The following ARRDC2 variants were observed in gnomAD, a reference collection of about 807,000 sequenced individuals.
The protein encoded by ARRDC2 is arrestin domain-containing protein 2.
A neutral mutation model predicts 38.9 loss-of-function variants in ARRDC2; 39 were observed. The ratio of observed to expected loss-of-function variants is 1.00; its 90% CI spans 0.78 to 1.31. The LOEUF (loss-of-function observed/expected upper bound fraction) is 1.31. Ranked by LOEUF, ARRDC2 falls within the 50% of genes most tolerant of loss-of-function variation. The pLI is 0.00. For missense variants in ARRDC2, 553 were observed against 588.4 expected (o/e 0.94, Z 0.62); for synonymous variants, 300 against 261.9 (o/e 1.15, Z -1.41).
chr19:18,005,311 G>A (rs1287513826), upstream of ARRDC2, among the ~76,000 whole-genome samples: 2 of 151,948 alleles, frequency 1.3e-5, no homozygotes, highest in African/African-American at 4.8e-5. Context: ...TTGGGGGTAG[G>A]GTCACCGATC....
chr19:18,001,473 CA>C lies in ARRDC2; in HGVS notation c.160del (p.Thr54ProfsTer59). The C allele has an allele frequency of 7.8e-7, 1 of 1,286,838 alleles. No homozygotes were observed. Among genetic ancestry groups the C allele is most frequent in the Non-Finnish European group, 9.8e-7 (1 of 1,015,494 alleles). 79.7% of individuals were successfully genotyped at this position (1,286,838 alleles called of 1,614,324 possible). ...AGGTGAAGGCGCGCGGCGGGGCGGC[CA>C]CCCACTGGTTGGAGGGTCGCAGCGT... On this transcript the variant is annotated frameshift_variant, in exon 1 of 8. Transcript: ENST00000379656. LOFTEE classifies it high-confidence loss of function.
upstream of ARRDC2, among the ~76,000 whole-genome samples, chr19:18,004,984 CAA>C (rs1165390317): frequency 1.5e-5 from 2 of 134,208 alleles, no homozygotes; most frequent in African/African-American, 2.8e-5. Flanking sequence ...GATCCTGTCT[CAA>C]AAAAAAAAAG....
At chr19:18,002,757 A>T (rs2033204506) in intron 1 of ARRDC2, among the ~76,000 whole-genome samples, 2 of 152,056 alleles carry the variant, frequency 1.3e-5, no homozygotes, top group South Asian at 4.1e-4. Flanking sequence ...AACTCTTGGG[A>T]CCGCTTTCAC....
chr19:18,012,838 G>A, intron 7 of ARRDC2, 75 bp from the exon 8 acceptor site: 1 of 1,487,724 alleles, frequency 6.7e-7, no homozygotes, highest in African/African-American at 1.4e-5. Flanking sequence ...GTTGGGAGAT[G>A]GCTAGATGGG....
intron 1 of ARRDC2, among the ~76,000 whole-genome samples, chr19:18,001,884 G>C (rs1466169428): frequency 6.6e-6 from 1 of 152,144 alleles, no homozygotes; most frequent in African/African-American, 2.4e-5. Context: ...GTTGTAATGG[G>C]CTGAGATCGC....
upstream of ARRDC2, among the ~76,000 whole-genome samples, chr19:18,006,032 G>A (rs1271597206): frequency 5.3e-5 from 8 of 151,596 alleles, no homozygotes; most frequent in Non-Finnish European, 8.8e-5. Flanking sequence ...GACGATGGGC[G>A]GCCGGGCAGA....
chr19:18,001,662 C>T (rs1188299274), intron 1 of ARRDC2: 6 of 1,231,892 alleles, frequency 4.9e-6, no homozygotes, highest in East Asian at 6.4e-5. Context: ...AACTTAGAAC[C>T]TATGCGGTCG....
chr19:18,004,673 A>G (rs2033237544), upstream of ARRDC2, among the ~76,000 whole-genome samples: 1 of 150,660 alleles, frequency 6.6e-6, no homozygotes, highest in Non-Finnish European at 1.5e-5. Flanking sequence ...TGGGTGTCAG[A>G]GCAGAGTGAG....
Position 18,009,797 on chromosome 19 carries a change from G to C in ARRDC2, c.607G>C (p.Val203Leu), listed in dbSNP as rs151273577. ...CCTTGCTGCAGGAGAGGTCATCCCT[G>C]TCTTTGCCGAGATCGACAACGGCTC... ...KGYTPGEVIP[V>L]FAEIDNGSTR... is the part of the protein sequence containing the mutation. The change falls in exon 5 of 8, where the codon GTC (valine) becomes CTC (leucine). Residue 203 changes from valine (V) to leucine (L), a missense_variant. Coordinates refer to ENST00000222250, the MANE Select transcript of ARRDC2 (RefSeq NM_015683.2). The C allele has an allele frequency of 2.5e-6, 4 of 1,612,748 alleles. No homozygotes were observed. The African/African-American group carries it at 5.3e-5, about 22-fold the overall frequency.
At chr19:18,005,792 G>T (rs1362341416), upstream of ARRDC2, among the ~76,000 whole-genome samples, 2 of 152,024 alleles carry the variant, frequency 1.3e-5, no homozygotes, top group African/African-American at 4.8e-5. Flanking sequence ...CTCCTGGACG[G>T]GGTGGCTGCC....
rs569309020 is a variant in ARRDC2, at chr19:18,009,184, G to A, written c.489+66G>A. 3.8e-6 allele frequency: 6 copies of A among 1,566,770 alleles called. No homozygotes were observed. The African/African-American group carries it at 4.1e-5, about 11-fold the overall frequency. On this transcript the variant is annotated intron_variant, in intron 3 of 7. Coordinates refer to ENST00000222250, the MANE Select transcript of ARRDC2 (RefSeq NM_015683.2). ...AGGAAGGGGCCTGCCTGGCTGCTGGGCGACACCAACCAATAAGATGGAGGT... is the reference window on the plus strand; with the variant it reads ...AGGAAGGGGCCTGCCTGGCTGCTGGACGACACCAACCAATAAGATGGAGGT...
At chr19:18,008,120 C>CG (rs2033317712), upstream of ARRDC2, 1 of 572,700 alleles carries the variant, frequency 1.7e-6, no homozygotes, top group Non-Finnish European at 2.6e-6. Context: ...ACGGTGACCC[C>CG]ACCCCCCCCC....
upstream of ARRDC2, chr19:18,007,461 A>AC (rs1198420212): frequency 6.6e-6 from 1 of 152,314 alleles, no homozygotes; most frequent in East Asian, 1.9e-4. Flanking sequence ...CGACCGAGTG[A>AC]CGGTATGTCA....
upstream of ARRDC2, among the ~76,000 whole-genome samples, chr19:18,003,980 C>T (rs1055844093): frequency 2.0e-5 from 3 of 149,746 alleles, no homozygotes; most frequent in Admixed American, 6.7e-5. Flanking sequence ...ACCATGTTGG[C>T]CAGGCTGGTC....
At chr19:18,009,265 C>G (rs2033353129) in intron 3 of ARRDC2, 147 bp downstream of exon 3, 1 of 948,600 alleles carries the variant, frequency 1.1e-6, no homozygotes, top group Non-Finnish European at 1.6e-6. Context: ...GTGGAATCCA[C>G]TGGGATCTGC....
chr19:18,001,244 G>A (rs2033179283), exon 1 of ARRDC2: 1 of 1,137,324 alleles, frequency 8.8e-7, no homozygotes, highest in East Asian at 4.3e-5. Context: ...GGAAACCCCG[G>A]GGATCTGCAG....
upstream of ARRDC2, chr19:18,008,119 C>CCCCCCCCCCCCCCCCCCCCCCAAAAAAAA: frequency 1.9e-6 from 1 of 530,448 alleles, no homozygotes; most frequent in Non-Finnish European, 2.8e-6. Flanking sequence ...GACGGTGACC[C>CCCCCCCCCCCCCCCCCCCCCCAAAAAAAA]CACCCCCCCC....
Position 18,001,426 on chromosome 19 carries a change from C to G in ARRDC2, c.112C>G (p.Pro38Ala), listed in dbSNP as rs1303626975. 3 of 1,233,418 alleles carry G rather than the reference C, an allele frequency of 2.4e-6. No homozygotes were observed. The African/African-American group carries it at 4.7e-5, about 19-fold the overall frequency. 76.4% of individuals were successfully genotyped at this position (1,233,418 alleles called of 1,614,324 possible). A position where few individuals can be genotyped will look rare whatever the true frequency, so the allele number is the denominator to read the frequency against. ...CCGGGTGCTGCTGGAGGCGGCGGCGCCGCTGCGGGTGCGAGCGCTCGAGGT... is the reference window on the plus strand; with the variant it reads ...CCGGGTGCTGCTGGAGGCGGCGGCGGCGCTGCGGGTGCGAGCGCTCGAGGT... The change falls in exon 1 of 8, where the codon CCG (proline) becomes GCG (alanine). Residue 38 changes from proline to alanine, a missense_variant. Pro to Ala is a conservative substitution (Grantham distance 27). Transcript: ENST00000379656.
upstream of ARRDC2, chr19:18,008,116 A>AGGGGGC: frequency 7.7e-6 from 4 of 522,496 alleles, no homozygotes; most frequent in South Asian, 2.0e-5. Flanking sequence ...AGAGACGGTG[A>AGGGGGC]CCCCACCCCC....
Sources: gnomAD v4.1 joint callset for allele counts (sites outside exome capture counted in the v4.1 genomes callset) on GRCh38, gnomAD v4.1.1 for gene constraint, MANE v1.5 for transcripts, NCBI Gene and HGNC (gene_info 2026-07-23, HGNC 2026-07-21) for gene names.